Variants in GID4 observed in about 807,000 individuals in gnomAD.
The protein encoded by GID4 is glucose-induced degradation protein 4 homolog.
GID4 carries 7 observed loss-of-function variants against 32.4 expected under a neutral mutation model. The ratio of observed to expected loss-of-function variants is 0.22; its 90% CI spans 0.12 to 0.41. The LOEUF (loss-of-function observed/expected upper bound fraction) is 0.41. GID4 is among the 10% of genes least tolerant of loss of function. GID4 has a pLI of 1.00. For missense variants in GID4, 309 were observed against 400.0 expected (o/e 0.77, Z 1.94); for synonymous variants, 166 against 170.0 (o/e 0.98, Z 0.18).
rs755121282 is a variant in GID4 at position 18,045,204 on chromosome 17, G to GAGGTA, written c.498+1_498+5dup. 1 of 1,612,610 alleles carries GAGGTA rather than the reference G, an allele frequency of 6.2e-7. No homozygotes were observed. The highest frequency in any genetic ancestry group is 1.1e-5 in the South Asian group (1 of 91,046). ...GTACTTGAAGATTAAAGGCCTTACT[G>GAGGTA]AGGTAAGCACTTGCTCACACAAACC... On this transcript the variant is annotated frameshift_variant and splice_region_variant, in exon 2 of 6. Coordinates refer to ENST00000268719, the MANE Select transcript of GID4 (RefSeq NM_024052.5). LOFTEE classifies it high-confidence loss of function.
chr17:18,045,480 G>GA (rs893790599), intron 2 of GID4, among the ~76,000 whole-genome samples: 2 of 152,048 alleles, frequency 1.3e-5, no homozygotes, highest in African/African-American at 2.4e-5. Flanking sequence ...CTTTTTGGGG[G>GA]AAAAAATAAT....
intron 3 of GID4, chr17:18,057,248 A>G (rs995259629): frequency 1.0e-4 from 51 of 496,418 alleles, no homozygotes; most frequent in Admixed American, 3.7e-4. Context: ...CCTGGCCAAC[A>G]TGGTGAAACC....
At chr17:18,041,985 A>T (rs1019477743) in intron 1 of GID4, among the ~76,000 whole-genome samples, 8 of 152,310 alleles carry the variant, frequency 5.3e-5, no homozygotes, top group East Asian at 1.9e-4. Context: ...GCTGCCCTAC[A>T]TCTGGATTGG....
intron 3 of GID4, among the ~76,000 whole-genome samples, chr17:18,057,654 T>C (rs1215184285): frequency 6.6e-6 from 1 of 152,224 alleles, no homozygotes; most frequent in Non-Finnish European, 1.5e-5. Context: ...ATACAGTGTA[T>C]ACTTGTTTTT....
chr17:18,050,488 A>G (rs1197439247), intron 2 of GID4, among the ~76,000 whole-genome samples: 1 of 152,200 alleles, frequency 6.6e-6, no homozygotes, highest in Non-Finnish European at 1.5e-5. Context: ...TTTGGGGGCC[A>G]TGGGCAGGCC....
intron 3 of GID4, among the ~76,000 whole-genome samples, chr17:18,054,869 G>A (rs1393260484): frequency 6.6e-6 from 1 of 152,070 alleles, no homozygotes; most frequent in African/African-American, 2.4e-5. Flanking sequence ...TAAGTACCAT[G>A]TCTTCAAAAA....
intron 1 of GID4, among the ~76,000 whole-genome samples, chr17:18,041,433 A>G (rs1435250298): frequency 6.6e-6 from 1 of 152,222 alleles, no homozygotes; most frequent in Non-Finnish European, 1.5e-5. Flanking sequence ...TTGAAACAGC[A>G]TCGTCATGTT....
intron 2 of GID4, among the ~76,000 whole-genome samples, chr17:18,048,596 G>T (rs1457135781): frequency 6.6e-6 from 1 of 151,934 alleles, no homozygotes; most frequent in Non-Finnish European, 1.5e-5. Flanking sequence ...CCTGTATTTG[G>T]GTTTTTTTTC....
intron 5 of GID4, among the ~76,000 whole-genome samples, chr17:18,064,008 G>T (rs761926417): frequency 1.6e-4 from 24 of 152,222 alleles, no homozygotes; most frequent in Non-Finnish European, 3.2e-4. Flanking sequence ...CTCCCAAAGT[G>T]CTGGGATTAT....
rs1208219255 is a variant in GID4 at position 18,061,400 on chromosome 17, A to G, written c.709-445A>G. On this transcript the variant is annotated intron_variant, in intron 4 of 5. Transcript: ENST00000268719. The surrounding 1 kb of genome is among the most constrained non-coding windows in gnomAD (Gnocchi z 4.4). Reference sequence around the variant, plus strand: ...AACTGCTTTGCACTCAGAATGGTCCACAGACCTACAGAAGCGACTCACTGT... The same window carrying G: ...AACTGCTTTGCACTCAGAATGGTCCGCAGACCTACAGAAGCGACTCACTGT... Among the ~76,000 whole-genome samples the G allele has an allele frequency of 2.0e-5, 3 of 152,220 alleles. No homozygotes were observed. Among genetic ancestry groups the G allele is most frequent in the Admixed American group, 2.0e-4 (3 of 15,280 alleles).
intron 2 of GID4, among the ~76,000 whole-genome samples, chr17:18,048,100 A>G (rs1010336301): frequency 1.3e-5 from 2 of 151,056 alleles, no homozygotes; most frequent in African/African-American, 4.9e-5. Context: ...ATGGGGTTTC[A>G]CCGTGTTAGC....
In GID4 at chr17:18,048,165, C is replaced by T. The variant is rs544748854; in HGVS notation, c.498+2959C>T. On this transcript the variant is annotated intron_variant, in intron 2 of 5. Coordinates refer to ENST00000268719, the MANE Select transcript of GID4 (RefSeq NM_024052.5). ...ATCCGCCTGTCTCGGCCTCCCATAG[C>T]GCTGGGATTACATGTGTGAGCCACC... Among the ~76,000 whole-genome samples, 15 of 150,840 alleles carry T rather than the reference C, an allele frequency of 9.9e-5. No homozygotes were observed. In the South Asian group the frequency reaches 1.9e-3, roughly 19 times the overall value.
At chr17:18,059,503 G>A (rs1365388395) in intron 4 of GID4, among the ~76,000 whole-genome samples, 2 of 152,152 alleles carry the variant, frequency 1.3e-5, no homozygotes, top group East Asian at 1.9e-4. Context: ...AATGGAACAC[G>A]GGTTTTTGAC....
intron 2 of GID4, 64 bp from the exon 3 acceptor site, chr17:18,054,063 C>T (rs2044940689): frequency 1.1e-6 from 1 of 877,646 alleles, no homozygotes; most frequent in Non-Finnish European, 1.8e-6. Context: ...TTTATTTTTC[C>T]TTTGTACAAA....
At position 18,062,054 on chromosome 17, in the gene GID4, G is replaced by A. The variant is rs528493102; in HGVS notation, c.839+79G>A. On this transcript the variant is annotated intron_variant, in intron 5 of 5. Transcript: ENST00000268719. ...CTCCCTTGGCTCATCAAACCCAAAA[G>A]CAACATCTTAGCCTGTCTCTGTATA... The A allele has an allele frequency of 8.5e-5, 115 of 1,356,880 alleles. No individual in the cohort carries two copies. In the African/African-American group the frequency reaches 1.6e-3, roughly 19 times the overall value. The allele number at this position is 1,356,880 out of a possible 1,614,324, so 84.1% of individuals were successfully genotyped here. A position where few individuals can be genotyped will look rare whatever the true frequency, so the allele number is the denominator to read the frequency against.
rs1391898467 is a variant in GID4, at chr17:18,067,071, G to GCTGTCATGTGAGGAGATGCT, written c.*1830_*1849dup. The GCTGTCATGTGAGGAGATGCT allele has an allele frequency of 3.3e-5, 5 of 152,368 alleles. No individual in the cohort carries two copies. The highest frequency in any genetic ancestry group is 1.2e-4 in the African/African-American group (5 of 41,574). 9.4% of individuals were successfully genotyped at this position (152,368 alleles called of 1,614,324 possible). ...GGGCTGGCTGTGGTCAAGCCCAGCT[G>GCTGTCATGTGAGGAGATGCT]CTGTCATGTGAGGAGATGCTCACTG... On this transcript the variant is annotated 3_prime_UTR_variant, in exon 6 of 6. Coordinates refer to ENST00000268719, the MANE Select transcript of GID4 (RefSeq NM_024052.5).
chr17:18,057,753 ATGT>A (rs2044982291), intron 3 of GID4, among the ~76,000 whole-genome samples: 1 of 151,928 alleles, frequency 6.6e-6, no homozygotes, highest in South Asian at 2.1e-4. Context: ...CCCTCCATAT[ATGT>A]GGGTTCTGTA....
At chr17:18,042,656 A>C (rs532179612) in intron 1 of GID4, among the ~76,000 whole-genome samples, 1 of 152,310 alleles carries the variant, frequency 6.6e-6, no homozygotes, top group East Asian at 1.9e-4. Flanking sequence ...TGTATATTTC[A>C]CTTTGGTAGA....
At position 18,049,610 on chromosome 17, in the gene GID4, A is replaced by T. The variant is rs138191226; in HGVS notation, c.498+4404A>T. Among the ~76,000 whole-genome samples the T allele has an allele frequency of 2.0e-5, 3 of 148,990 alleles. No individual in the cohort carries two copies. The East Asian group carries it at 5.9e-4, about 29-fold the overall frequency. Reference sequence around the variant, plus strand: ...GCTCCTCTCCCTTCTCCTACCCTCTACCCTCAAGTAGGCCCCATTGTCTGT... The same window carrying T: ...GCTCCTCTCCCTTCTCCTACCCTCTTCCCTCAAGTAGGCCCCATTGTCTGT... On this transcript the variant is annotated intron_variant, in intron 2 of 5. Transcript: ENST00000268719.
Sources: gnomAD v4.1 joint callset for allele counts (sites outside exome capture counted in the v4.1 genomes callset) on GRCh38, gnomAD v4.1.1 for gene constraint, Gnocchi (gnomAD v3.1) non-coding constraint, MANE v1.5 for transcripts, NCBI Gene and HGNC (gene_info 2026-07-23, HGNC 2026-07-21) for gene names.